The following RBM23 variants were observed in gnomAD, a reference collection of about 807,000 sequenced individuals.
RBM23 encodes probable RNA-binding protein 23.
A neutral mutation model predicts 56.2 loss-of-function variants in RBM23; 53 were observed. That is an observed-to-expected ratio of 0.94 (90% CI 0.76 to 1.19). The LOEUF is 1.19. Among genes scored for constraint, RBM23 ranks in the 50% most tolerant of loss-of-function variants. RBM23 has a pLI of 0.00. For synonymous variants in RBM23, 197 were observed against 198.5 expected (o/e 0.99, Z 0.06); for missense variants, 642 against 590.3 (o/e 1.09, Z -0.91).
rs1218693670 is a variant in RBM23, at chr14:22,901,002, G to C, written c.*728C>G. Reference sequence around the variant, plus strand: ...ATGGGAGGAAGGACAAGTATACAAAGGAAGATGGAAGATACTGGAAAGGCA... The same window carrying C: ...ATGGGAGGAAGGACAAGTATACAAACGAAGATGGAAGATACTGGAAAGGCA... On this transcript the variant is annotated 3_prime_UTR_variant, in exon 14 of 14. Coordinates refer to ENST00000359890, the MANE Select transcript of RBM23 (RefSeq NM_001077351.2). 1 of 152,134 alleles carries C rather than the reference G, an allele frequency of 6.6e-6. No homozygotes were observed. Among genetic ancestry groups the C allele is most frequent in the Non-Finnish European group, 1.5e-5 (1 of 68,044 alleles). The allele number at this position is 152,134 out of a possible 1,614,324, so 9.4% of individuals were successfully genotyped here.
rs148513154 is a variant in RBM23 at position 22,908,189 on chromosome 14, T to C, written c.227+144A>G. The C allele has an allele frequency of 3.3e-3, 2,832 of 850,596 alleles. 7 individuals carry two copies. Among genetic ancestry groups the C allele is most frequent in the Admixed American group, 4.7e-3 (161 of 33,998 alleles). The allele number at this position is 850,596 out of a possible 1,614,324, so 52.7% of individuals were successfully genotyped here. ...ACATGTACTACTACACCTGGGTAAT[T>C]TTTAAATTTTTTGTAGAGACAGGAT... On this transcript the variant is annotated intron_variant, in intron 4 of 13. Coordinates refer to ENST00000359890, the MANE Select transcript of RBM23 (RefSeq NM_001077351.2).
chr14:22,901,511 C>G lies in RBM23; in HGVS notation c.*219G>C. Reference sequence around the variant, plus strand: ...ATTCAATGCAGGTGTGGATTCTGTTCTCTTCAACTGGTGGCTTTGCTCAGC... The same window carrying G: ...ATTCAATGCAGGTGTGGATTCTGTTGTCTTCAACTGGTGGCTTTGCTCAGC... On this transcript the variant is annotated 3_prime_UTR_variant, in exon 14 of 14. Coordinates refer to ENST00000359890, the MANE Select transcript of RBM23 (RefSeq NM_001077351.2). 1.6e-6 allele frequency: 1 copy of G among 636,486 alleles called. No homozygotes were observed. Among genetic ancestry groups the G allele is most frequent in the Non-Finnish European group, 2.8e-6 (1 of 359,182 alleles). The allele number at this position is 636,486 out of a possible 1,614,324, so 39.4% of individuals were successfully genotyped here. A position where few individuals can be genotyped will look rare whatever the true frequency, so the allele number is the denominator to read the frequency against.
At chr14:22,916,314 T>C (rs1017618285) in intron 1 of RBM23, among the ~76,000 whole-genome samples, 1 of 151,798 alleles carries the variant, frequency 6.6e-6, no homozygotes, top group African/African-American at 2.4e-5. Context: ...TGGAGTGTAA[T>C]GTTGCAATCT....
At chr14:22,902,580 T>C in intron 10 of RBM23, 198 bp from the exon 11 acceptor site, 10 of 1,295,658 alleles carry the variant, frequency 7.7e-6, no homozygotes, top group South Asian at 5.6e-5. Context: ...ATGGACTCAA[T>C]GGCAGTCACT....
intron 1 of RBM23, among the ~76,000 whole-genome samples, chr14:22,918,501 G>A (rs1294128636): frequency 6.6e-6 from 1 of 152,184 alleles, no homozygotes; most frequent in Non-Finnish European, 1.5e-5. Context: ...TACGCCTACT[G>A]GAATGAGTGC....
rs1181722263 is a variant in RBM23, at chr14:22,909,388, A to T, written c.179+95T>A. On this transcript the variant is annotated intron_variant, in intron 3 of 13. Coordinates refer to ENST00000359890, the MANE Select transcript of RBM23 (RefSeq NM_001077351.2). ...GCCATTACTAACAGTCAGCAGTCTT[A>T]ACAGAAACAATCTCCCTATTCTGGT... 7.0e-6 allele frequency: 7 copies of T among 993,230 alleles called. 1 individual carries two copies. Among genetic ancestry groups the T allele is most frequent in the Non-Finnish European group, 1.1e-5 (7 of 627,424 alleles). 61.5% of individuals were successfully genotyped at this position (993,230 alleles called of 1,614,324 possible). A position where few individuals can be genotyped will look rare whatever the true frequency, so the allele number is the denominator to read the frequency against.
In RBM23 at chr14:22,902,328, G is replaced by A. The variant is rs1412246981; in HGVS notation, c.985C>T (p.Leu329Phe). 2 of 1,614,144 alleles carry A rather than the reference G, an allele frequency of 1.2e-6. No individual in the cohort carries two copies. ...CCAACCCTCATAGGTCGACCAGCAA[G>A]CTCAAACCCATTCAACTGTTCCAGG... ...RALEQLNGFELAGRPMRVGHV... is the reference protein window; with the variant it reads ...RALEQLNGFEFAGRPMRVGHV... The change falls in exon 11 of 14, where the codon CTT becomes TTT. Residue 329 changes from leucine to phenylalanine, a missense_variant. Coordinates refer to ENST00000359890, the MANE Select transcript of RBM23 (RefSeq NM_001077351.2).
intron 10 of RBM23, 37 bp from the exon 11 acceptor site, chr14:22,902,419 CCAAAGACATGCTCT>C: frequency 6.3e-7 from 1 of 1,596,288 alleles, no homozygotes; most frequent in Non-Finnish European, 8.6e-7. Flanking sequence ...CACCTACTCA[CCAAAGACATGCTCT>C]CAAAGACCCA....
Position 22,904,952 on chromosome 14 carries a change from T to A in RBM23, c.787A>T (p.Met263Leu). ...TGCAGGGAACCCACATAGAGGCGCA[T>A]TGGTCCACCATTGCCCTTTTGCAGG... ...NNLQKGNGGP[M>L]RLYVGSLHFN... Residue 263 changes from methionine to leucine, a missense_variant, in exon 9 of 14, where the codon ATG becomes TTG. Transcript: ENST00000359890. The A allele has an allele frequency of 6.2e-7, 1 of 1,614,228 alleles. No individual in the cohort carries two copies. Among genetic ancestry groups the A allele is most frequent in the Non-Finnish European group, 8.5e-7 (1 of 1,180,046 alleles).
At chr14:22,904,117 T>C (rs755639019) in intron 10 of RBM23, 144 bp downstream of exon 10, 2 of 1,547,196 alleles carry the variant, frequency 1.3e-6, no homozygotes. Flanking sequence ...TCTCAAGGGG[T>C]AGAAGGCTAG....
At position 22,904,981 on chromosome 14, in the gene RBM23, T is replaced by C. The variant is rs2041276061; in HGVS notation, c.758A>G (p.Asn253Ser). 5 of 1,614,240 alleles carry C rather than the reference T, an allele frequency of 3.1e-6. No homozygotes were observed. Among genetic ancestry groups the C allele is most frequent in the Non-Finnish European group, 4.2e-6 (5 of 1,180,040 alleles). Residue 253 changes from asparagine to serine, a missense_variant, in exon 9 of 14, where the codon AAC becomes AGC. Coordinates refer to ENST00000359890, the MANE Select transcript of RBM23 (RefSeq NM_001077351.2). ...TCCACCATTGCCCTTTTGCAGGTTG[T>C]TGGCCATGGCTGCCAGTCGGTTTTT... Reference protein sequence around the residue: ...AEKNRLAAMANNLQKGNGGPM... With the variant: ...AEKNRLAAMASNLQKGNGGPM...
At position 22,905,001 on chromosome 14, in the gene RBM23, G is replaced by GT; in HGVS notation, c.737dup (p.Asn246LysfsTer31). On this transcript the variant is annotated frameshift_variant, in exon 9 of 14. Coordinates refer to ENST00000359890, the MANE Select transcript of RBM23 (RefSeq NM_001077351.2). LOFTEE classifies it high-confidence loss of function. Reference sequence around the variant, plus strand: ...GGTTGTTGGCCATGGCTGCCAGTCGGTTTTTCTCTGCCTGGGGAAGGAGGA... The same window carrying GT: ...GGTTGTTGGCCATGGCTGCCAGTCGGTTTTTTCTCTGCCTGGGGAAGGAGGA... 4 of 1,614,172 alleles carry GT rather than the reference G, an allele frequency of 2.5e-6. No homozygotes were observed. The highest frequency in any genetic ancestry group is 3.4e-6 in the Non-Finnish European group (4 of 1,180,040).
In RBM23 at chr14:22,901,555, G is replaced by T; in HGVS notation, c.*175C>A. On this transcript the variant is annotated 3_prime_UTR_variant, in exon 14 of 14. Coordinates refer to ENST00000359890, the MANE Select transcript of RBM23 (RefSeq NM_001077351.2). ...GCTCAGCAGAGTCCATTTCCAGTGG[G>T]ACCATGGGCAGGAGCTTTTCTTGGT... The T allele has an allele frequency of 1.1e-6, 1 of 902,782 alleles. No homozygotes were observed. Among genetic ancestry groups the T allele is most frequent in the Non-Finnish European group, 1.7e-6 (1 of 587,154 alleles). 55.9% of individuals were successfully genotyped at this position (902,782 alleles called of 1,614,324 possible). A position where few individuals can be genotyped will look rare whatever the true frequency, so the allele number is the denominator to read the frequency against.
At chr14:22,904,601 A>G (rs968997362) in intron 9 of RBM23, among the ~76,000 whole-genome samples, 1 of 151,094 alleles carries the variant, frequency 6.6e-6, no homozygotes, top group Admixed American at 6.6e-5. Context: ...CCTCTCGACT[A>G]GTTGGGACTA....
chr14:22,901,900 C>T lies in RBM23; in HGVS notation c.1247-17G>A. ...GACTCAGAGCTAGAACAAAGACAGG[C>T]AGAGTGAGTGAGCAAGCACCGCGCA... On this transcript the variant is annotated splice_polypyrimidine_tract_variant and intron_variant, in intron 12 of 13. Transcript: ENST00000359890. 1.2e-6 allele frequency: 2 copies of T among 1,614,154 alleles called. No individual in the cohort carries two copies. The highest frequency in any genetic ancestry group is 1.1e-5 in the South Asian group (1 of 91,082).
chr14:22,918,346 T>TCGCGC (rs1413096717), intron 1 of RBM23, among the ~76,000 whole-genome samples: 30 of 151,322 alleles, frequency 2.0e-4, no homozygotes, highest in Non-Finnish European at 4.4e-4. Context: ...TGAGCCGAGA[T>TCGCGC]CGCGCCACTC....
In RBM23 at chr14:22,905,140, G is replaced by C; in HGVS notation, c.680C>G (p.Thr227Ser). The change falls in exon 8 of 14, where the codon ACT (threonine) becomes AGT (serine). Residue 227 changes from threonine to serine, a missense_variant. Coordinates refer to ENST00000359890, the MANE Select transcript of RBM23 (RefSeq NM_001077351.2). ...AGGCACTCCCAGCAACCGCTGCCCA[G>C]TCAGCCCAATGGCCAGTGGCACAGA... ...IQSVPLAIGL[T>S]GQRLLGVPII... 6.2e-7 allele frequency: 1 copy of C among 1,614,152 alleles called. No individual in the cohort carries two copies. Among genetic ancestry groups the C allele is most frequent in the South Asian group, 1.1e-5 (1 of 91,086 alleles).
In RBM23 at chr14:22,908,312, GC is replaced by G; in HGVS notation, c.227+20del. ...TAGGATTAAAGATACGAGCCACTGTGCCTGGCCCAGAATTACTGACCTGCGC... is the reference window on the plus strand; with the variant it reads ...TAGGATTAAAGATACGAGCCACTGTGCTGGCCCAGAATTACTGACCTGCGC... On this transcript the variant is annotated intron_variant, in intron 4 of 13. Coordinates refer to ENST00000359890, the MANE Select transcript of RBM23 (RefSeq NM_001077351.2). The G allele has an allele frequency of 6.5e-7, 1 of 1,549,332 alleles. No individual in the cohort carries two copies. Among genetic ancestry groups the G allele is most frequent in the Admixed American group, 2.0e-5 (1 of 50,978 alleles).
chr14:22,916,225 A>C (rs1231485031), intron 1 of RBM23, among the ~76,000 whole-genome samples: 1 of 151,988 alleles, frequency 6.6e-6, no homozygotes, highest in Non-Finnish European at 1.5e-5. Context: ...CAATCCCCAA[A>C]ACAGAGAAGG....
Sources: gnomAD v4.1 joint callset for allele counts (sites outside exome capture counted in the v4.1 genomes callset) on GRCh38, gnomAD v4.1.1 for gene constraint, MANE v1.5 for transcripts, NCBI Gene and HGNC (gene_info 2026-07-23, HGNC 2026-07-21) for gene names.